The following TTC28 variants were observed in gnomAD, a reference collection of about 807,000 sequenced individuals.
TTC28 encodes tetratricopeptide repeat protein 28.
TTC28 carries 61 observed loss-of-function variants against 198.0 expected under a neutral mutation model. The observed-to-expected ratio is 0.31, with a 90% CI of 0.25 to 0.38. The LOEUF (loss-of-function observed/expected upper bound fraction) is 0.38. Among genes scored for constraint, TTC28 ranks in the 10% least tolerant of loss-of-function variants. The pLI, the probability that TTC28 is intolerant of heterozygous loss-of-function variation, is 1.00. For missense variants in TTC28, 2,678 were observed against 3,164.0 expected (o/e 0.85, Z 3.69); for synonymous variants, 1,171 against 1,297.8 (o/e 0.90, Z 2.10).
Position 28,083,488 on chromosome 22 carries a change from C to A in TTC28, c.3932+10592G>T, listed in dbSNP as rs946736887. Among the ~76,000 whole-genome samples the A allele has an allele frequency of 3.3e-5, 5 of 152,278 alleles. No individual in the cohort carries two copies. The East Asian group carries it at 9.6e-4, about 29-fold the overall frequency. The stretch of plus-strand genomic sequence containing the variant: ...GTATGACAGAATTGTTTATTCATGG[C>A]TATTTATTTCTCATTTAAAAGTACT... On this transcript the variant is annotated intron_variant, in intron 12 of 22. Coordinates refer to ENST00000397906, the MANE Select transcript of TTC28 (RefSeq NM_001145418.2).
At chr22:28,559,844 A>C (rs570083692) in intron 2 of TTC28, among the ~76,000 whole-genome samples, 1 of 152,158 alleles carries the variant, frequency 6.6e-6, no homozygotes, top group African/African-American at 2.4e-5. Flanking sequence ...TCTTCTATAC[A>C]AACACTCTCT....
At chr22:28,524,231 G>A (rs1406074125) in intron 2 of TTC28, among the ~76,000 whole-genome samples, 3 of 152,000 alleles carry the variant, frequency 2.0e-5, no homozygotes, top group Non-Finnish European at 4.4e-5. Context: ...GCCAAGACGG[G>A]CAGATCACCA....
intron 5 of TTC28, among the ~76,000 whole-genome samples, chr22:28,282,786 G>C (rs1749671230): frequency 1.3e-5 from 2 of 152,124 alleles, no homozygotes; most frequent in Non-Finnish European, 2.9e-5. Flanking sequence ...ATGACTGAAA[G>C]AGAAGAATGA....
intron 2 of TTC28, among the ~76,000 whole-genome samples, chr22:28,406,099 C>CGG: frequency 6.6e-6 from 1 of 152,360 alleles, no homozygotes; most frequent in Middle Eastern, 3.4e-3. Flanking sequence ...CTCGCCTGCA[C>CGG]TGCATCTTGT....
intron 2 of TTC28, among the ~76,000 whole-genome samples, chr22:28,437,650 C>T (rs536665064): frequency 1.3e-5 from 2 of 152,028 alleles, no homozygotes; most frequent in African/African-American, 2.4e-5. Flanking sequence ...TGGAGTGTAA[C>T]GGCACTATCA....
chr22:28,237,175 C>T (rs1019055916), intron 5 of TTC28, among the ~76,000 whole-genome samples: 3 of 152,038 alleles, frequency 2.0e-5, no homozygotes, highest in Non-Finnish European at 4.4e-5. Flanking sequence ...TTGCTCTCTC[C>T]CCACCCTTTT....
intron 2 of TTC28, among the ~76,000 whole-genome samples, chr22:28,540,257 A>G (rs1030527107): frequency 1.3e-5 from 2 of 151,970 alleles, no homozygotes; most frequent in African/African-American, 4.8e-5. Flanking sequence ...AGGAAGCTTT[A>G]CAATCGTGGT....
intron 5 of TTC28, among the ~76,000 whole-genome samples, chr22:28,236,910 T>C (rs1290009139): frequency 6.6e-6 from 1 of 152,180 alleles, no homozygotes; most frequent in Non-Finnish European, 1.5e-5. Context: ...CTAATGAAGC[T>C]GAGGACCTCA....
intron 5 of TTC28, among the ~76,000 whole-genome samples, chr22:28,197,374 T>A (rs914773127): frequency 2.0e-5 from 3 of 151,930 alleles, no homozygotes; most frequent in Admixed American, 1.3e-4. Context: ...CATGTATACA[T>A]ATGTAACTAA....
intron 8 of TTC28, among the ~76,000 whole-genome samples, chr22:28,102,267 T>C (rs190617860): frequency 2.6e-4 from 39 of 152,330 alleles, no homozygotes; most frequent in African/African-American, 8.7e-4. Context: ...CTGACACATT[T>C]CATGTCTAAT....
rs1198764216 is a variant in TTC28 at position 27,982,398 on chromosome 22, T to A, written c.7269A>T (p.Gly2423=). Residue 2423 remains glycine, a synonymous_variant, in exon 23 of 23, where the codon GGA becomes GGT. Transcript: ENST00000397906. This position sits in a 1 kb window ranked among gnomAD's most constrained non-coding sequence, Gnocchi z 5.2. ...CGTTGGGAGGGGCTTTCGGTGGAGC[T>A]CCGTCATGCTGCTGCAGGGACAGCT... The part of the protein sequence containing the change: ...LKELSLQQHD[G]APPKAPPNGH... 6.4e-7 allele frequency: 1 copy of A among 1,550,652 alleles called. No individual in the cohort carries two copies. The highest frequency in any genetic ancestry group is 2.0e-5 in the Admixed American group (1 of 50,904).
At chr22:28,441,001 T>A (rs997091777) in intron 2 of TTC28, among the ~76,000 whole-genome samples, 1 of 152,198 alleles carries the variant, frequency 6.6e-6, no homozygotes, top group Non-Finnish European at 1.5e-5. Context: ...CTTTACAACA[T>A]GATGATATGA....
rs1301036037 is a variant in TTC28 at position 28,107,815 on chromosome 22, T to C, written c.2030A>G (p.Tyr677Cys). The C allele has an allele frequency of 2.6e-6, 4 of 1,551,906 alleles. No homozygotes were observed. The highest frequency in any genetic ancestry group is 2.0e-5 in the Admixed American group (1 of 50,992). Residue 677 changes from tyrosine (Y) to cysteine (C), a missense_variant, in exon 7 of 23, where the codon TAC becomes TGC. Physicochemically the swap from Tyr to Cys is radical, Grantham distance 194. Coordinates refer to ENST00000397906, the MANE Select transcript of TTC28 (RefSeq NM_001145418.2). The part of the protein sequence containing the change: ...LHDKLSQAKA[Y>C]CNLGLAFKAL... The stretch of plus-strand genomic sequence containing the variant: ...CTTGAATGCTAGGCCCAAGTTGCAG[T>C]AGGCTTTTGCTTGGCTCAACTTGTC...
chr22:28,075,543 C>G (rs905424151), intron 12 of TTC28, among the ~76,000 whole-genome samples: 1 of 152,136 alleles, frequency 6.6e-6, no homozygotes, highest in African/African-American at 2.4e-5. Flanking sequence ...TGAGAAGGAG[C>G]CCAACTTTGG....
In TTC28 at chr22:28,378,161, G is replaced by A. The variant is rs1041793023; in HGVS notation, c.382-71518C>T. ...AGTTCAATACCAGCCTAGCCAACATGGCAAAACTCTGTCTCTACTAAAAAA... is the reference window on the plus strand; with the variant it reads ...AGTTCAATACCAGCCTAGCCAACATAGCAAAACTCTGTCTCTACTAAAAAA... On this transcript the variant is annotated intron_variant, in intron 2 of 22. Transcript: ENST00000397906. 3.3e-5 allele frequency among the ~76,000 whole-genome samples: 5 copies of A among 152,022 alleles called. No homozygotes were observed. In the East Asian group the frequency reaches 9.7e-4, roughly 29 times the overall value.
intron 5 of TTC28, among the ~76,000 whole-genome samples, chr22:28,273,411 T>C (rs1266650602): frequency 1.3e-5 from 2 of 151,984 alleles, no homozygotes; most frequent in Admixed American, 1.3e-4. Flanking sequence ...ATCAGAGAAC[T>C]GGATTCTGTT....
intron 2 of TTC28, among the ~76,000 whole-genome samples, chr22:28,314,870 C>A (rs984228242): frequency 6.6e-6 from 1 of 151,928 alleles, no homozygotes; most frequent in Non-Finnish European, 1.5e-5. Flanking sequence ...GAGACCTTAT[C>A]TCTAAAAAAA....
At chr22:28,193,642 C>T (rs562726117) in intron 5 of TTC28, among the ~76,000 whole-genome samples, 6 of 152,202 alleles carry the variant, frequency 3.9e-5, no homozygotes, top group Non-Finnish European at 7.4e-5. Flanking sequence ...CAAACCTAGT[C>T]TCGGATAAAA....
At chr22:28,239,624 G>A (rs183166135) in intron 5 of TTC28, among the ~76,000 whole-genome samples, 49 of 152,296 alleles carry the variant, frequency 3.2e-4, no homozygotes, top group Non-Finnish European at 6.0e-4. Flanking sequence ...AGAGCATGAA[G>A]CCTATGGAGA....
Sources: allele counts gnomAD v4.1 joint callset (sites outside exome capture counted in the v4.1 genomes callset), GRCh38; gene constraint gnomAD v4.1.1; non-coding constraint Gnocchi (gnomAD v3.1); transcripts MANE v1.5; gene names NCBI Gene and HGNC (gene_info 2026-07-23, HGNC 2026-07-21).